Variants in CSRNP1 observed in about 807,000 individuals in gnomAD.
CSRNP1 encodes the protein cysteine/serine-rich nuclear protein 1.
Under a neutral mutation model 25.0 loss-of-function variants are expected in CSRNP1, and 8 were observed. The observed-to-expected ratio is 0.32, with a 90% confidence interval of 0.19 to 0.58. The LOEUF is 0.58. Among genes scored for constraint, CSRNP1 ranks in the 20% least tolerant of loss-of-function variants. The pLI, the probability that CSRNP1 is intolerant of heterozygous loss-of-function variation, is 0.88. For missense variants in CSRNP1, 691 were observed against 773.1 expected (o/e 0.89, Z 1.26); for synonymous variants, 305 against 303.1 (o/e 1.01, Z -0.06).
Position 39,144,217 on chromosome 3 carries a change from G to A in CSRNP1, c.700C>T (p.Arg234Trp), listed in dbSNP as rs376235916. The change falls in exon 4 of 5, where the codon CGG (arginine) becomes TGG (tryptophan). Residue 234 changes from arginine (R) to tryptophan (W), a missense_variant. Physicochemically the swap from Arg to Trp is moderately radical, Grantham distance 101 (BLOSUM62 -3). Coordinates refer to ENST00000273153, the MANE Select transcript of CSRNP1 (RefSeq NM_033027.4). ...TCGCAGTGACAGCCACAATCCTCCC[G>A]GGATTGGCGCAGTGCCTGCAGCTCC... ...KRELQALRQS[R>W]EDCGCHCDRI... The A allele has an allele frequency of 6.2e-7, 1 of 1,614,014 alleles. No homozygotes were observed. Among genetic ancestry groups the A allele is most frequent in the Admixed American group, 1.7e-5 (1 of 59,994 alleles).
chr3:39,143,953 G>T lies in CSRNP1; in HGVS notation c.872C>A (p.Thr291Asn), dbSNP rs2039461657. ...RVEFNQARVQ[T>N]HFIHTLTRLQ... ...GCGGGTGAGTGTGTGGATGAAATGG[G>T]TCTGAACTCTTGCCTGATTAAATTC... Residue 291 changes from threonine to asparagine, a missense_variant, in exon 5 of 5, where the codon ACC becomes AAC. Thr to Asn is a moderately conservative substitution (Grantham distance 65, BLOSUM62 0). Transcript: ENST00000273153. 6.2e-7 allele frequency: 1 copy of T among 1,614,070 alleles called. No homozygotes were observed. Among genetic ancestry groups the T allele is most frequent in the African/African-American group, 1.3e-5 (1 of 74,924 alleles).
In CSRNP1 at chr3:39,143,485, C is replaced by T. The variant is rs545087495; in HGVS notation, c.1340G>A (p.Cys447Tyr). 2 of 1,614,174 alleles carry T rather than the reference C, an allele frequency of 1.2e-6. No homozygotes were observed. The highest frequency in any genetic ancestry group is 3.3e-5 in the Admixed American group (2 of 60,018). ...LASWTHSYSG[C>Y]SFTSGVLDEN... ...ATCCAGGACGCCTGATGTGAAGCTA[C>T]AGCCAGAATAGCTGTGGGTCCAGCT... Residue 447 changes from cysteine (C) to tyrosine (Y), a missense_variant, in exon 5 of 5, where the codon TGT (cysteine) becomes TAT (tyrosine). By Grantham distance (194) the Cys-to-Tyr change is radical. Transcript: ENST00000273153.
Position 39,143,304 on chromosome 3 carries a change from T to C in CSRNP1, c.1521A>G (p.Leu507=). The change falls in exon 5 of 5, where the codon TTA becomes TTG. Residue 507 remains leucine (L), a synonymous_variant. Coordinates refer to ENST00000273153, the MANE Select transcript of CSRNP1 (RefSeq NM_033027.4). ...LSLSSCDSFE[L]LQALPDYSLG... is the part of the protein sequence containing the mutation. ...GACTATAATCTGGCAGAGCCTGGAGTAACTCAAAGGAGTCACAAGAAGACA... is the reference window on the plus strand; with the variant it reads ...GACTATAATCTGGCAGAGCCTGGAGCAACTCAAAGGAGTCACAAGAAGACA... The C allele has an allele frequency of 6.2e-7, 1 of 1,614,064 alleles. No homozygotes were observed. The highest frequency in any genetic ancestry group is 8.5e-7 in the Non-Finnish European group (1 of 1,180,004).
chr3:39,144,555 T>C, intron 3 of CSRNP1, 104 bp from the exon 4 acceptor site: 1 of 1,122,216 alleles, frequency 8.9e-7, no homozygotes. Flanking sequence ...CCCCCACTAC[T>C]CGTGCTTAAT....
At chr3:39,144,491 T>G (rs747193136) in intron 3 of CSRNP1, 40 bp from the exon 4 acceptor site, 433 of 1,553,204 alleles carry the variant, frequency 2.8e-4, no homozygotes, top group Non-Finnish European at 3.5e-4. Context: ...AGCACAGACA[T>G]GGACATGGGC....
Position 39,143,910 on chromosome 3 carries a change from C to T in CSRNP1, c.915G>A (p.Glu305=), listed in dbSNP as rs1378171888. 6.2e-7 allele frequency: 1 copy of T among 1,614,238 alleles called. No homozygotes were observed. The highest frequency in any genetic ancestry group is 1.1e-5 in the South Asian group (1 of 91,090). Reference sequence around the variant, plus strand: ...CCTCCAGCTCCCTAAAGCTCTCAGCCTCCTGTTCCAACTGCAGGCGGGTGA... The same window carrying T: ...CCTCCAGCTCCCTAAAGCTCTCAGCTTCCTGTTCCAACTGCAGGCGGGTGA... ...HTLTRLQLEQ[E]AESFRELEAP... The change falls in exon 5 of 5, where the codon GAG becomes GAA. Residue 305 remains glutamate (E), a synonymous_variant. Transcript: ENST00000273153.
At chr3:39,154,541 C>G (rs942670580), upstream of CSRNP1, 1 of 152,424 alleles carries the variant, frequency 6.6e-6, no homozygotes, top group Non-Finnish European at 1.5e-5. Context: ...CCGGTCTTCT[C>G]GACTGGAATG....
chr3:39,146,762 A>G, intron 1 of CSRNP1, 40 bp from the exon 2 acceptor site: 1 of 1,519,106 alleles, frequency 6.6e-7, no homozygotes, highest in South Asian at 1.2e-5. Context: ...GCAGGCAGGC[A>G]GCAGCAGGTG....
intron 1 of CSRNP1, chr3:39,151,953 C>T (rs1400662518): frequency 1.3e-5 from 2 of 152,380 alleles, no homozygotes; most frequent in East Asian, 1.9e-4. Flanking sequence ...GTGGGGCCTT[C>T]TTCCCTCTCT....
chr3:39,143,950 T>C lies in CSRNP1; in HGVS notation c.875A>G (p.His292Arg). The C allele has an allele frequency of 6.2e-7, 1 of 1,614,082 alleles. No individual in the cohort carries two copies. The change falls in exon 5 of 5, where the codon CAT (histidine) becomes CGT (arginine). Residue 292 changes from histidine (H) to arginine (R), a missense_variant. Transcript: ENST00000273153. ...VEFNQARVQTHFIHTLTRLQL... is the reference protein window; with the variant it reads ...VEFNQARVQTRFIHTLTRLQL... ...CAGGCGGGTGAGTGTGTGGATGAAATGGGTCTGAACTCTTGCCTGATTAAA... is the reference window on the plus strand; with the variant it reads ...CAGGCGGGTGAGTGTGTGGATGAAACGGGTCTGAACTCTTGCCTGATTAAA...
rs746506026 is a variant in CSRNP1 at position 39,145,155 on chromosome 3, C to T, written c.307G>A (p.Val103Met). ...AGAGTACAGCCACCACGGCTGGGCA[C>T]ACTGGTGAAGCCCTGGCAGCGGGGG... is the stretch of plus-strand genomic sequence containing the variant. ...YFPRCQGFTS[V>M]PSRGGCTLGM... is the part of the protein sequence containing the mutation. Residue 103 changes from valine (V) to methionine (M), a missense_variant, in exon 3 of 5, where the codon GTG (valine) becomes ATG (methionine). Coordinates refer to ENST00000273153, the MANE Select transcript of CSRNP1 (RefSeq NM_033027.4). 14 of 1,614,154 alleles carry T rather than the reference C, an allele frequency of 8.7e-6. No individual in the cohort carries two copies. Among genetic ancestry groups the T allele is most frequent in the Non-Finnish European group, 1.2e-5 (14 of 1,180,060 alleles).
rs1386156475 is a variant in CSRNP1, at chr3:39,142,632, C to T, written c.*423G>A. The T allele has an allele frequency of 6.3e-6, 1 of 159,684 alleles. No individual in the cohort carries two copies. Among genetic ancestry groups the T allele is most frequent in the Non-Finnish European group, 1.4e-5 (1 of 73,036 alleles). The allele number at this position is 159,684 out of a possible 1,614,324, so 9.9% of individuals were successfully genotyped here. ...GAAATAAATTATAGTCTTCACAGTC[C>T]AGTGGATTTAGCCACCCATGGGTCT... On this transcript the variant is annotated 3_prime_UTR_variant, in exon 5 of 5. Transcript: ENST00000273153.
chr3:39,146,429 T>C, intron 2 of CSRNP1, 49 bp downstream of exon 2: 3 of 1,478,738 alleles, frequency 2.0e-6, no homozygotes, highest in South Asian at 2.8e-5. Flanking sequence ...AATTTCATCT[T>C]TCAGGAAGGC....
chr3:39,142,821 T>G lies in CSRNP1; in HGVS notation c.*234A>C, dbSNP rs917015414. 10 of 420,518 alleles carry G rather than the reference T, an allele frequency of 2.4e-5. No homozygotes were observed. Among genetic ancestry groups the G allele is most frequent in the Non-Finnish European group, 3.0e-5 (7 of 237,096 alleles). 26.0% of individuals were successfully genotyped at this position (420,518 alleles called of 1,614,324 possible). A position where few individuals can be genotyped will look rare whatever the true frequency, so the allele number is the denominator to read the frequency against. On this transcript the variant is annotated 3_prime_UTR_variant, in exon 5 of 5. Transcript: ENST00000273153. ...TGGAGATAGAAGAGCAAGCTGTGGG[T>G]GTGGGGGGCCGGGCAGCTGAAAGGG... is the stretch of plus-strand genomic sequence containing the variant.
intron 1 of CSRNP1, chr3:39,151,070 G>C (rs1391005599): frequency 6.6e-6 from 1 of 152,480 alleles, no homozygotes; most frequent in African/African-American, 2.4e-5. Context: ...TCTAAGAAAA[G>C]TGTCAGACAG....
Position 39,146,710 on chromosome 3 carries a change from G to A in CSRNP1, c.-28C>T. 1.3e-5 allele frequency: 20 copies of A among 1,552,106 alleles called. No individual in the cohort carries two copies. The highest frequency in any genetic ancestry group is 1.7e-5 in the Non-Finnish European group (20 of 1,147,848). On this transcript the variant is annotated 5_prime_UTR_variant, in exon 2 of 5. Coordinates refer to ENST00000273153, the MANE Select transcript of CSRNP1 (RefSeq NM_033027.4). ...TGGTGCCGGACGTGCTCTGGGGTCTGGGGACAGACAGCCTGGAATAGGAAT... is the reference window on the plus strand; with the variant it reads ...TGGTGCCGGACGTGCTCTGGGGTCTAGGGACAGACAGCCTGGAATAGGAAT...
Position 39,143,574 on chromosome 3 carries a change from C to T in CSRNP1, c.1251G>A (p.Leu417=). 6.2e-7 allele frequency: 1 copy of T among 1,614,230 alleles called. No homozygotes were observed. The highest frequency in any genetic ancestry group is 1.3e-5 in the African/African-American group (1 of 75,068). Residue 417 remains leucine (L), a synonymous_variant, in exon 5 of 5, where the codon CTG becomes CTA. Transcript: ENST00000273153. ...EEEEEGSVGN[L]DNLSCFHPAD... is the part of the protein sequence containing the mutation. The stretch of plus-strand genomic sequence containing the variant: ...CTGGATGGAAGCAGCTGAGGTTGTC[C>T]AGGTTCCCCACGCTCCCTTCCTCCT...
intron 1 of CSRNP1, 160 bp downstream of exon 1, chr3:39,153,278 C>G (rs1041114620): frequency 1.3e-5 from 2 of 153,294 alleles, no homozygotes; most frequent in African/African-American, 4.8e-5. Flanking sequence ...CCCCCGACTC[C>G]GGCCGCGGCA....
In CSRNP1 at chr3:39,143,804, T is replaced by C. The variant is rs1413291097; in HGVS notation, c.1021A>G (p.Asn341Asp). 6.2e-7 allele frequency: 1 copy of C among 1,614,052 alleles called. No individual in the cohort carries two copies. Among genetic ancestry groups the C allele is most frequent in the African/African-American group, 1.3e-5 (1 of 74,910 alleles). Residue 341 changes from asparagine to aspartate, a missense_variant, in exon 5 of 5, where the codon AAT becomes GAT. Coordinates refer to ENST00000273153, the MANE Select transcript of CSRNP1 (RefSeq NM_033027.4). ...TFPLAKPPMN[N>D]ELGDNSCSSD... ...CTGCAGCTGTTGTCTCCCAGCTCAT[T>C]GTTCATGGGGGGCTTGGCCAGTGGG... is the stretch of plus-strand genomic sequence containing the variant.
Sources: allele counts gnomAD v4.1 joint callset, GRCh38; gene constraint gnomAD v4.1.1; transcripts MANE v1.5; gene names NCBI Gene and HGNC (gene_info 2026-07-23, HGNC 2026-07-21).